Variants in ADAMTS18 observed in about 807,000 individuals in gnomAD.
ADAMTS18 encodes the protein ADAM metallopeptidase with thrombospondin type 1 motif 18, also known as A disintegrin and metalloproteinase with thrombospondin motifs 18.
In ADAMTS18, 157 loss-of-function variants were observed where a neutral mutation model predicts 165.9. The ratio of observed to expected loss-of-function variants is 0.95; its 90% confidence interval spans 0.83 to 1.08. ADAMTS18 has a LOEUF of 1.08. Among genes scored for constraint, ADAMTS18 ranks in the 50% least tolerant of loss-of-function variants. The probability of loss-of-function intolerance (pLI) is 0.00; values close to 1 mark genes in which losing one functional copy is unlikely to be tolerated. For synonymous variants in ADAMTS18, 782 were observed against 578.2 expected, an observed-to-expected ratio of 1.35 and a Z score of -5.06; for missense variants, 2,040 against 1,534.0, an observed-to-expected ratio of 1.33 and a Z score of -5.51.
intron 3 of ADAMTS18, among the ~76,000 whole-genome samples, chr16:77,399,526 G>C (rs1000417133): frequency 1.3e-5 from 2 of 152,102 alleles, no homozygotes; most frequent in African/African-American, 2.4e-5. Flanking sequence ...GATGTCTTTT[G>C]TTTCTTTTCA....
intron 3 of ADAMTS18, among the ~76,000 whole-genome samples, chr16:77,426,734 G>C (rs1297850561): frequency 6.6e-6 from 1 of 152,140 alleles, no homozygotes; most frequent in African/African-American, 2.4e-5. Context: ...AATGAAAAAA[G>C]GATAGGGTGG....
intron 16 of ADAMTS18, among the ~76,000 whole-genome samples, chr16:77,300,902 A>T (rs557308638): frequency 1.8e-4 from 28 of 152,346 alleles, no homozygotes; most frequent in Non-Finnish European, 3.7e-4. Context: ...AGTTGAAACA[A>T]GGGAAACACT....
intron 16 of ADAMTS18, among the ~76,000 whole-genome samples, chr16:77,314,904 T>G (rs2055860109): frequency 6.7e-6 from 1 of 149,472 alleles, no homozygotes; most frequent in African/African-American, 2.5e-5. Context: ...CCCTAATAAT[T>G]AGCTGGTATT....
At chr16:77,393,833 A>G (rs887440892) in intron 3 of ADAMTS18, among the ~76,000 whole-genome samples, 5 of 152,232 alleles carry the variant, frequency 3.3e-5, no homozygotes, top group Non-Finnish European at 5.9e-5. Context: ...AAAGGCCTCT[A>G]CTGTCGACTC....
intron 10 of ADAMTS18, among the ~76,000 whole-genome samples, chr16:77,342,625 T>A (rs896674142): frequency 6.6e-6 from 1 of 152,196 alleles, no homozygotes; most frequent in Non-Finnish European, 1.5e-5. Flanking sequence ...TTCAAATATG[T>A]AGACAATTTA....
intron 2 of ADAMTS18, chr16:77,432,452 T>A (rs919047319): frequency 6.6e-6 from 1 of 152,204 alleles, no homozygotes; most frequent in Non-Finnish European, 1.5e-5. Context: ...AATTGCTGAA[T>A]GTTCCAAAGA....
chr16:77,403,971 G>C (rs2057362761), intron 3 of ADAMTS18, among the ~76,000 whole-genome samples: 1 of 151,862 alleles, frequency 6.6e-6, no homozygotes, highest in Non-Finnish European at 1.5e-5. Context: ...ATGACAATTG[G>C]AGTTTTAAAC....
chr16:77,370,790 G>GATATATATATATATATATATATATAT (rs148727471), intron 3 of ADAMTS18, among the ~76,000 whole-genome samples: 2 of 147,010 alleles, frequency 1.4e-5, no homozygotes, highest in Admixed American at 6.8e-5. Flanking sequence ...TAATAGCTAC[G>GATATATATATATATATATATATATAT]ATATATATAT....
In ADAMTS18 at chr16:77,367,634, C is replaced by T. The variant is rs376395297; in HGVS notation, c.585G>A (p.Ala195=). ...LAQEHNYSSP[A]GHHPHVLYKR... ...TGTACAGTACGTGAGGATGGTGACC[C>T]GCAGGGGAGCTGTAGTTGTGTTCCT... The change falls in exon 4 of 23, where the codon GCG becomes GCA. Residue 195 remains alanine (A), a synonymous_variant. Transcript: ENST00000282849. 44 of 1,614,128 alleles carry T rather than the reference C, an allele frequency of 2.7e-5. No individual in the cohort carries two copies. The African/African-American group carries it at 4.3e-4, about 16-fold the overall frequency.
chr16:77,302,529 A>G (rs17713119), intron 16 of ADAMTS18, among the ~76,000 whole-genome samples: 16,122 of 152,206 alleles, frequency 0.11, 1,179 homozygotes, highest in Admixed American at 0.22. Context: ...AGTAGGGGCA[A>G]GCTTAAGTAT....
At chr16:77,322,272 G>C in intron 14 of ADAMTS18, 64 bp downstream of exon 14, 1 of 1,591,202 alleles carries the variant, frequency 6.3e-7, no homozygotes. Flanking sequence ...CACTGTTCAC[G>C]GTACACACGA....
At chr16:77,414,888 T>C (rs1329846187) in intron 3 of ADAMTS18, among the ~76,000 whole-genome samples, 2 of 152,150 alleles carry the variant, frequency 1.3e-5, no homozygotes, top group African/African-American at 4.8e-5. Context: ...TGTGAAGTCA[T>C]CCTCTAAGCC....
At chr16:77,420,125 A>T (rs917565973) in intron 3 of ADAMTS18, among the ~76,000 whole-genome samples, 1 of 150,560 alleles carries the variant, frequency 6.6e-6, no homozygotes, top group South Asian at 2.1e-4. Flanking sequence ...AGCAAACTAG[A>T]TTCTCAGACA....
At position 77,293,235 on chromosome 16, in the gene ADAMTS18, C is replaced by T; in HGVS notation, c.3030G>A (p.Gly1010=). The T allele has an allele frequency of 6.2e-7, 1 of 1,613,802 alleles. No homozygotes were observed. Among genetic ancestry groups the T allele is most frequent in the Non-Finnish European group, 8.5e-7 (1 of 1,179,950 alleles). Residue 1010 remains glycine, a synonymous_variant, in exon 20 of 23, where the codon GGG becomes GGA. Coordinates refer to ENST00000282849, the MANE Select transcript of ADAMTS18 (RefSeq NM_199355.4). Reference sequence around the variant, plus strand: ...TGCAGAGGAGTTCACGCTTCCTCACCCCTCGTCCACAGGTCTTGGAACACT... The same window carrying T: ...TGCAGAGGAGTTCACGCTTCCTCACTCCTCGTCCACAGGTCTTGGAACACT... The part of the protein sequence containing the change: ...WSQCSKTCGR[G]VRKRELLCKG...
chr16:77,418,178 G>A (rs139762408), intron 3 of ADAMTS18, among the ~76,000 whole-genome samples: 5 of 152,038 alleles, frequency 3.3e-5, no homozygotes, highest in African/African-American at 1.2e-4. Context: ...CCATCCAATC[G>A]ACTCCCAGCC....
At chr16:77,422,289 T>A (rs918595736) in intron 3 of ADAMTS18, among the ~76,000 whole-genome samples, 1 of 151,964 alleles carries the variant, frequency 6.6e-6, no homozygotes, top group Non-Finnish European at 1.5e-5. Flanking sequence ...TTATATAGGG[T>A]CCACCTGTGG....
rs1567497884 is a variant in ADAMTS18 at position 77,341,684 on chromosome 16, CT to C, written c.1710+19del. The C allele has an allele frequency of 2.0e-5, 32 of 1,605,430 alleles. No individual in the cohort carries two copies. Among genetic ancestry groups the C allele is most frequent in the Non-Finnish European group, 2.6e-5 (30 of 1,173,620 alleles). ...CTTATCAAATTTCTGGAGCTAAAAA[CT>C]AACAAGTATGCAGTTTACCATACTC... On this transcript the variant is annotated intron_variant, in intron 11 of 22. Transcript: ENST00000282849.
intron 22 of ADAMTS18, 132 bp downstream of exon 22, chr16:77,289,132 T>C (rs2055312758): frequency 1.3e-5 from 15 of 1,167,606 alleles, no homozygotes; most frequent in Non-Finnish European, 1.8e-5. Context: ...CAGGGAGCAC[T>C]GTCACATAGA....
At chr16:77,303,731 G>A (rs1291228492) in intron 16 of ADAMTS18, among the ~76,000 whole-genome samples, 1 of 152,120 alleles carries the variant, frequency 6.6e-6, no homozygotes, top group African/African-American at 2.4e-5. Flanking sequence ...ACAGTTATTT[G>A]GGTTAAAAAT....
Sources: gnomAD v4.1 joint callset for allele counts (sites outside exome capture counted in the v4.1 genomes callset) on GRCh38, gnomAD v4.1.1 for gene constraint, MANE v1.5 for transcripts, NCBI Gene and HGNC (gene_info 2026-07-23, HGNC 2026-07-21) for gene names.